Variants in NCKAP5 observed in about 807,000 individuals in gnomAD.
NCKAP5 encodes nck-associated protein 5.
A neutral mutation model predicts 167.0 loss-of-function variants in NCKAP5; 92 were observed. The observed-to-expected ratio is 0.55, with a 90% confidence interval of 0.47 to 0.66. The LOEUF (loss-of-function observed/expected upper bound fraction) is 0.66. Among genes scored for constraint, NCKAP5 ranks in the 30% least tolerant of loss-of-function variants. The probability of loss-of-function intolerance (pLI) is 0.00; values close to 1 mark genes in which losing one functional copy is unlikely to be tolerated. For synonymous variants in NCKAP5, 891 were observed against 877.4 expected, an observed-to-expected ratio of 1.02 and a Z score of -0.27; for missense variants, 2,378 against 2,315.0, an observed-to-expected ratio of 1.03 and a Z score of -0.56.
the NCKAP5 span, among the ~76,000 whole-genome samples, chr2:133,607,140 T>C: frequency 6.6e-6 from 1 of 152,250 alleles, no homozygotes; most frequent in Non-Finnish European, 1.5e-5. Context: ...GTGTACCACA[T>C]AAAAAGCCTT....
intron 6 of NCKAP5, among the ~76,000 whole-genome samples, chr2:133,025,589 T>A (rs1208699697): frequency 6.6e-6 from 1 of 152,144 alleles, no homozygotes; most frequent in Non-Finnish European, 1.5e-5. Flanking sequence ...CTTTGTTAAT[T>A]ATGGCATCAA....
At chr2:133,193,552 T>G (rs891636133) in intron 5 of NCKAP5, among the ~76,000 whole-genome samples, 1 of 152,076 alleles carries the variant, frequency 6.6e-6, no homozygotes, top group Admixed American at 6.6e-5. Context: ...ACCTTAAAAT[T>G]TAGTGTATTC....
At chr2:133,380,939 G>A (rs1400114556) in intron 3 of NCKAP5, among the ~76,000 whole-genome samples, 3 of 152,176 alleles carry the variant, frequency 2.0e-5, no homozygotes, top group African/African-American at 7.2e-5. Context: ...TGCAGGAAGT[G>A]CTAAACAATG....
chr2:133,110,844 T>C (rs2081884388), intron 6 of NCKAP5, among the ~76,000 whole-genome samples: 1 of 152,194 alleles, frequency 6.6e-6, no homozygotes, highest in Admixed American at 6.5e-5. Context: ...TTCACAGTTC[T>C]AGAGGCTGGA....
At chr2:132,786,778 T>C (rs936567461) in intron 13 of NCKAP5, among the ~76,000 whole-genome samples, 2 of 152,174 alleles carry the variant, frequency 1.3e-5, no homozygotes, top group Non-Finnish European at 1.5e-5. Flanking sequence ...GGAGATCACA[T>C]AGAAAGAGCT....
chr2:133,045,365 A>T (rs80007955), intron 6 of NCKAP5, among the ~76,000 whole-genome samples: 3,789 of 152,036 alleles, frequency 0.025, 172 homozygotes, highest in African/African-American at 0.087. Context: ...GTTAAAAAGT[A>T]TATATATCTA....
chr2:132,722,590 T>A (rs966288604), intron 19 of NCKAP5, among the ~76,000 whole-genome samples: 1 of 152,134 alleles, frequency 6.6e-6, no homozygotes, highest in South Asian at 2.1e-4. Context: ...GATGTGCTGA[T>A]GACACTCAAA....
In NCKAP5 at chr2:132,957,167, A is replaced by G. The variant is rs532763954; in HGVS notation, c.579+6553T>C. ...TAGGCATCTCAACTTAACGCGGGCA[A>G]AAACCAACAGACAATTGCATGCTAA... On this transcript the variant is annotated intron_variant, in intron 8 of 19. Coordinates refer to ENST00000409261, the MANE Select transcript of NCKAP5 (RefSeq NM_207363.3). Among the ~76,000 whole-genome samples the G allele has an allele frequency of 6.6e-5, 10 of 152,308 alleles. No homozygotes were observed. The South Asian group carries it at 2.1e-3, about 32-fold the overall frequency.
intron 6 of NCKAP5, among the ~76,000 whole-genome samples, chr2:133,020,898 C>T (rs923445746): frequency 2.3e-4 from 35 of 152,274 alleles, no homozygotes; most frequent in Admixed American, 1.4e-3. Context: ...AGAATAAGAG[C>T]GGAGCCCATG....
intron 6 of NCKAP5, among the ~76,000 whole-genome samples, chr2:133,016,274 G>C (rs563885523): frequency 1.3e-5 from 2 of 152,306 alleles, no homozygotes; most frequent in East Asian, 3.9e-4. Context: ...GTGTGTGAGA[G>C]CACATGAAGT....
intron 6 of NCKAP5, among the ~76,000 whole-genome samples, chr2:133,008,470 AT>A (rs986717444): frequency 6.6e-6 from 1 of 152,204 alleles, no homozygotes; most frequent in African/African-American, 2.4e-5. Context: ...TTTATAGCAA[AT>A]ATCTATAAAC....
intron 4 of NCKAP5, among the ~76,000 whole-genome samples, chr2:133,216,278 C>A (rs2086425695): frequency 6.6e-6 from 1 of 151,084 alleles, no homozygotes; most frequent in Non-Finnish European, 1.5e-5. Context: ...ATTTTTTTTT[C>A]TTTTCTTGGT....
the NCKAP5 span, among the ~76,000 whole-genome samples, chr2:133,665,687 G>T: frequency 6.7e-6 from 1 of 149,834 alleles, no homozygotes; most frequent in African/African-American, 2.4e-5. Context: ...TTAATGCAGG[G>T]TTGTCACAAG....
intron 6 of NCKAP5, among the ~76,000 whole-genome samples, chr2:133,003,224 G>A (rs1472778081): frequency 1.3e-5 from 2 of 152,100 alleles, no homozygotes; most frequent in Non-Finnish European, 2.9e-5. Context: ...TTACCTTAAT[G>A]AAGAACATAT....
chr2:133,593,872 A>T, the NCKAP5 span, among the ~76,000 whole-genome samples: 6 of 152,158 alleles, frequency 3.9e-5, no homozygotes, highest in Non-Finnish European at 8.8e-5. Context: ...CCTCACTTCC[A>T]TACTAGGTAA....
intron 5 of NCKAP5, among the ~76,000 whole-genome samples, chr2:133,173,452 C>T (rs1267439575): frequency 6.6e-6 from 1 of 152,160 alleles, no homozygotes; most frequent in African/African-American, 2.4e-5. Context: ...AAGAATCCTG[C>T]TAAGTCAGTT....
At chr2:133,534,516 G>A (rs1008193930) in intron 2 of NCKAP5, among the ~76,000 whole-genome samples, 12 of 151,970 alleles carry the variant, frequency 7.9e-5, no homozygotes, top group South Asian at 2.1e-4. Flanking sequence ...CCAGCCCCCG[G>A]CAACCATTCA....
At chr2:133,554,099 G>A (rs1213924724) in intron 2 of NCKAP5, among the ~76,000 whole-genome samples, 1 of 152,204 alleles carries the variant, frequency 6.6e-6, no homozygotes, top group East Asian at 1.9e-4. Flanking sequence ...TTGCTTCTTC[G>A]AGGCCAGCAG....
chr2:133,142,693 T>C (rs1218216726), intron 5 of NCKAP5, among the ~76,000 whole-genome samples: 1 of 152,142 alleles, frequency 6.6e-6, no homozygotes, highest in Non-Finnish European at 1.5e-5. Context: ...TTTGCAGACC[T>C]GGAAGGGTGC....
Sources: allele counts gnomAD v4.1 joint callset (sites outside exome capture counted in the v4.1 genomes callset), GRCh38; gene constraint gnomAD v4.1.1; transcripts MANE v1.5; gene names NCBI Gene and HGNC (gene_info 2026-07-23, HGNC 2026-07-21).